CELF2: variants seen among roughly 807,000 people sequenced by gnomAD.
CELF2 encodes CUG triplet repeat RNA-binding protein 2.
A neutral mutation model predicts 62.6 loss-of-function variants in CELF2; 8 were observed. The observed-to-expected ratio is 0.13, with a 90% confidence interval of 0.07 to 0.23. CELF2 has a LOEUF of 0.23. Ranked by LOEUF, CELF2 falls within the 10% of genes least tolerant of loss-of-function variation. CELF2 has a pLI of 1.00. For synonymous variants in CELF2, 258 were observed against 250.0 expected (o/e 1.03, Z -0.30); for missense variants, 333 against 671.0 (o/e 0.50, Z 5.56).
At chr10:10,571,676 G>T in the CELF2 span, among the ~76,000 whole-genome samples, 1 of 152,192 alleles carries the variant, frequency 6.6e-6, no homozygotes, top group Non-Finnish European at 1.5e-5. Context: ...AGGTCTTAAT[G>T]AGATCAAGGA....
the CELF2 span, among the ~76,000 whole-genome samples, chr10:10,665,186 G>A: frequency 5.3e-5 from 8 of 152,298 alleles, no homozygotes; most frequent in Admixed American, 5.2e-4. Context: ...TAAAGGAGCT[G>A]AAAAGGTCAA....
intron 2 of CELF2, chr10:10,935,374 C>T (rs1260800683): frequency 6.6e-6 from 1 of 152,266 alleles, no homozygotes. Context: ...ATTTTGTCAC[C>T]TTGCTTCAGT....
chr10:10,829,562 A>T (rs1414113053), intron 1 of CELF2, among the ~76,000 whole-genome samples: 2 of 152,186 alleles, frequency 1.3e-5, no homozygotes, highest in African/African-American at 4.8e-5. Flanking sequence ...TGGAATTTGG[A>T]CTTAAATATC....
At chr10:10,472,590 T>C in the CELF2 span, among the ~76,000 whole-genome samples, 2 of 151,946 alleles carry the variant, frequency 1.3e-5, no homozygotes, top group Non-Finnish European at 2.9e-5. Flanking sequence ...TCCTCCTGTT[T>C]ATGGCCCATA....
chr10:11,083,242 A>C (rs949843775), intron 1 of CELF2, among the ~76,000 whole-genome samples: 1 of 152,218 alleles, frequency 6.6e-6, no homozygotes, highest in Admixed American at 6.5e-5. Flanking sequence ...TGAAAGGACC[A>C]TTATCACTTT....
At chr10:10,782,544 C>G in the CELF2 span, among the ~76,000 whole-genome samples, 1 of 152,132 alleles carries the variant, frequency 6.6e-6, no homozygotes, top group Non-Finnish European at 1.5e-5. Context: ...CAAATGTACC[C>G]AAAACAATGT....
the CELF2 span, among the ~76,000 whole-genome samples, chr10:10,619,794 C>A: frequency 6.6e-6 from 1 of 152,242 alleles, no homozygotes; most frequent in Non-Finnish European, 1.5e-5. Flanking sequence ...AATTGAGACC[C>A]CATGGGCTTA....
chr10:10,636,175 A>AATT, the CELF2 span, among the ~76,000 whole-genome samples: 2 of 152,174 alleles, frequency 1.3e-5, no homozygotes, highest in African/African-American at 4.8e-5. Flanking sequence ...ATACACAAGA[A>AATT]ATTATCTGTT....
rs966731361 is a variant in CELF2 at position 11,305,471 on chromosome 10, TCA to T, written c.977-8665_977-8664del. ...AGCGCAGGAAAGACTCCAGTCTAGTTCACAGTTTGCCTGGGAGGATCCCACCT... is the reference window on the plus strand; with the variant it reads ...AGCGCAGGAAAGACTCCAGTCTAGTTCAGTTTGCCTGGGAGGATCCCACCT... On this transcript the variant is annotated intron_variant, in intron 9 of 12. Transcript: ENST00000633077. This position sits in a 1 kb window ranked among gnomAD's most constrained non-coding sequence, Gnocchi z 4.8. 2.2e-4 allele frequency among the ~76,000 whole-genome samples: 33 copies of T among 152,234 alleles called. No individual in the cohort carries two copies. The highest frequency in any genetic ancestry group is 7.2e-4 in the African/African-American group (30 of 41,462).
chr10:10,556,958 G>A, the CELF2 span, among the ~76,000 whole-genome samples: 63 of 140,160 alleles, frequency 4.5e-4, 1 homozygote, highest in East Asian at 8.3e-3. Context: ...AGTAGGTTGC[G>A]AAAATTTTCT....
In CELF2 at chr10:10,922,236, G is replaced by A. The variant is rs142509618; in HGVS notation, c.89+2237G>A. Among the ~76,000 whole-genome samples, 309 of 152,240 alleles carry A rather than the reference G, an allele frequency of 2.0e-3. 4 individuals are homozygous for A. The highest frequency in any genetic ancestry group is 7.3e-3 in the African/African-American group (302 of 41,542). ...CCAGTTTTCAGGGTTAAAACTGTCC[G>A]AGTGTTCTGGTTTGTGTCTCCCCGC... On this transcript the variant is annotated intron_variant, in intron 2 of 13. Coordinates refer to the CELF2 transcript ENST00000636488.
intron 2 of CELF2, among the ~76,000 whole-genome samples, chr10:11,213,113 C>G (rs2062357247): frequency 6.6e-6 from 1 of 151,012 alleles, no homozygotes; most frequent in Non-Finnish European, 1.5e-5. Context: ...GGAGCGAGGC[C>G]TCTCACTCCA....
chr10:11,289,621 G>A (rs75322908), intron 9 of CELF2, among the ~76,000 whole-genome samples: 3,277 of 152,298 alleles, frequency 0.022, 123 homozygotes, highest in East Asian at 0.088. Context: ...GGATTTCCCT[G>A]TAATGTGCTG....
chr10:10,908,259 G>A (rs866771978), intron 1 of CELF2, among the ~76,000 whole-genome samples: 51 of 105,802 alleles, frequency 4.8e-4, no homozygotes, highest in African/African-American at 1.7e-3. Flanking sequence ...TTGCTCTGTC[G>A]CCGAGGCTGG....
chr10:11,171,180 T>A (rs1033158974), intron 2 of CELF2: 5 of 152,236 alleles, frequency 3.3e-5, no homozygotes, highest in Admixed American at 3.3e-4. Flanking sequence ...GCTGTGCAAC[T>A]GCATCGCAAC....
At position 10,993,501 on chromosome 10, in the gene CELF2, T is replaced by C. The variant is rs1279901019; in HGVS notation, c.89+73502T>C. On this transcript the variant is annotated intron_variant, in intron 2 of 13. Coordinates refer to the CELF2 transcript ENST00000636488. The surrounding 1 kb of genome is among the most constrained non-coding windows in gnomAD (Gnocchi z 5.3). Reference sequence around the variant, plus strand: ...AGGCAAGCCTCAGGAATATGGAAGATCCTGGTATAGAAGTCTAACAGCCTA... The same window carrying C: ...AGGCAAGCCTCAGGAATATGGAAGACCCTGGTATAGAAGTCTAACAGCCTA... Among the ~76,000 whole-genome samples, 2 of 152,124 alleles carry C rather than the reference T, an allele frequency of 1.3e-5. No homozygotes were observed. Among genetic ancestry groups the C allele is most frequent in the Non-Finnish European group, 1.5e-5 (1 of 68,030 alleles).
At chr10:11,017,371 C>T (rs1179770540), upstream of CELF2, among the ~76,000 whole-genome samples, 1 of 152,248 alleles carries the variant, frequency 6.6e-6, no homozygotes, top group African/African-American at 2.4e-5. This position sits in a 1 kb window ranked among gnomAD's most constrained non-coding sequence, Gnocchi z 5.5. Context: ...AAAGGCAGTG[C>T]CATCGTGCAG....
chr10:11,203,183 C>T (rs2059673195), intron 2 of CELF2, among the ~76,000 whole-genome samples: 1 of 152,134 alleles, frequency 6.6e-6, no homozygotes, highest in Non-Finnish European at 1.5e-5. Context: ...AGCATGGGAA[C>T]AATTGATGGG....
intron 2 of CELF2, among the ~76,000 whole-genome samples, chr10:11,183,695 C>T (rs965748472): frequency 3.3e-5 from 5 of 152,198 alleles, no homozygotes; most frequent in African/African-American, 7.2e-5. Context: ...TGATGGCTAA[C>T]GATGCTGAGC....
Sources: gnomAD v4.1 joint callset for allele counts (sites outside exome capture counted in the v4.1 genomes callset) on GRCh38, gnomAD v4.1.1 for gene constraint, Gnocchi (gnomAD v3.1) non-coding constraint, MANE v1.5 for transcripts, NCBI Gene and HGNC (gene_info 2026-07-23, HGNC 2026-07-21) for gene names.